Variants in TMEM132C observed in about 807,000 individuals in gnomAD.
TMEM132C encodes transmembrane protein 132C, also known as protein phosphatase 1, regulatory subunit 152.
TMEM132C carries 29 observed loss-of-function variants against 61.4 expected under a neutral mutation model. That is an observed-to-expected ratio of 0.47 (90% confidence interval 0.35 to 0.64). TMEM132C has a LOEUF of 0.64. Among genes scored for constraint, TMEM132C ranks in the 30% least tolerant of loss-of-function variants. The probability of loss-of-function intolerance (pLI) is 0.00; values close to 1 mark genes in which losing one functional copy is unlikely to be tolerated. For missense variants in TMEM132C, 1,408 were observed against 1,476.9 expected, an observed-to-expected ratio of 0.95 and a Z score of 0.76; for synonymous variants, 656 against 633.1, an observed-to-expected ratio of 1.04 and a Z score of -0.54.
chr12:128,530,979 C>T (rs988052366), intron 2 of TMEM132C, among the ~76,000 whole-genome samples: 1 of 152,130 alleles, frequency 6.6e-6, no homozygotes, highest in Non-Finnish European at 1.5e-5. Flanking sequence ...AGCCAGAACA[C>T]CACTGGTTGG....
chr12:128,536,402 G>C (rs887736411), intron 2 of TMEM132C, among the ~76,000 whole-genome samples: 2 of 152,112 alleles, frequency 1.3e-5, no homozygotes, highest in African/African-American at 4.8e-5. Context: ...GGGGTGGGGG[G>C]CTGGGGGAGG....
chr12:128,440,208 G>C (rs539893736), intron 2 of TMEM132C, among the ~76,000 whole-genome samples: 1 of 152,310 alleles, frequency 6.6e-6, no homozygotes, highest in African/African-American at 2.4e-5. Context: ...GTCACAACTA[G>C]TGGCTTCTGG....
At chr12:128,496,181 A>G (rs1871950114) in intron 2 of TMEM132C, among the ~76,000 whole-genome samples, 1 of 152,214 alleles carries the variant, frequency 6.6e-6, no homozygotes, top group Non-Finnish European at 1.5e-5. Context: ...TCTGGCTTGT[A>G]GAGTTTCTGC....
At chr12:128,419,928 C>A (rs1164792237) in intron 2 of TMEM132C, among the ~76,000 whole-genome samples, 1 of 152,074 alleles carries the variant, frequency 6.6e-6, no homozygotes, top group African/African-American at 2.4e-5. Flanking sequence ...TATGGTAGCT[C>A]ACACCTGTAA....
In TMEM132C at chr12:128,267,425, C is replaced by A; in HGVS notation, c.23C>A (p.Pro8His). 4 of 1,238,922 alleles carry A rather than the reference C, an allele frequency of 3.2e-6. No homozygotes were observed. The highest frequency in any genetic ancestry group is 4.0e-6 in the Non-Finnish European group (4 of 992,224). 76.7% of individuals were successfully genotyped at this position (1,238,922 alleles called of 1,614,324 possible). A position where few individuals can be genotyped will look rare whatever the true frequency, so the allele number is the denominator to read the frequency against. Reference protein sequence around the residue: MRSEGAAPGPAAPLCGAL... With the variant: MRSEGAAHGPAAPLCGAL... ...AGGATGCGCTCCGAGGGTGCGGCCC[C>A]CGGGCCGGCGGCGCCGCTGTGCGGG... is the stretch of plus-strand genomic sequence containing the variant. The change falls in exon 1 of 9, where the codon CCC becomes CAC. Residue 8 changes from proline to histidine, a missense_variant. Pro to His is a moderately conservative substitution (Grantham distance 77, BLOSUM62 -2). Coordinates refer to ENST00000435159, the MANE Select transcript of TMEM132C (RefSeq NM_001136103.3).
At chr12:128,373,394 A>G (rs1434782371) in intron 1 of TMEM132C, among the ~76,000 whole-genome samples, 7 of 152,234 alleles carry the variant, frequency 4.6e-5, no homozygotes, top group African/African-American at 1.4e-4. Context: ...GAAAGAGAGA[A>G]AGTGTTCAGA....
chr12:128,563,968 T>C (rs1278463296), intron 3 of TMEM132C, among the ~76,000 whole-genome samples: 1 of 152,164 alleles, frequency 6.6e-6, no homozygotes, highest in African/African-American at 2.4e-5. Context: ...GTTCCAATAA[T>C]GGAACACTAG....
intron 4 of TMEM132C, among the ~76,000 whole-genome samples, chr12:128,656,283 T>G (rs1954324790): frequency 6.6e-6 from 1 of 152,162 alleles, no homozygotes; most frequent in South Asian, 2.1e-4. Context: ...ACTCCTGACC[T>G]CAAGTGATCT....
chr12:128,508,905 G>T (rs1398183757), intron 2 of TMEM132C, among the ~76,000 whole-genome samples: 1 of 152,158 alleles, frequency 6.6e-6, no homozygotes, highest in Non-Finnish European at 1.5e-5. Context: ...TCCCCAGCGT[G>T]GCTGACTTGC....
chr12:128,643,028 C>T (rs1233380226), intron 4 of TMEM132C, among the ~76,000 whole-genome samples: 1 of 152,210 alleles, frequency 6.6e-6, no homozygotes, highest in Non-Finnish European at 1.5e-5. Flanking sequence ...AGCGATCTCT[C>T]ACTGACTTCA....
intron 1 of TMEM132C, among the ~76,000 whole-genome samples, chr12:128,361,684 T>C (rs908841119): frequency 3.3e-5 from 5 of 151,598 alleles, no homozygotes; most frequent in Admixed American, 2.6e-4. Flanking sequence ...TTTTTAATAC[T>C]GCTGTGCCTG....
chr12:128,469,330 C>CT (rs11463008), intron 2 of TMEM132C, among the ~76,000 whole-genome samples: 21,886 of 135,392 alleles, frequency 0.16, 2,855 homozygotes, highest in African/African-American at 0.35. Context: ...ATAAAGCATG[C>CT]TTTTTTTTTT....
At chr12:128,651,648 C>G (rs117790268) in intron 4 of TMEM132C, among the ~76,000 whole-genome samples, 3,993 of 152,124 alleles carry the variant, frequency 0.026, 81 homozygotes, top group Non-Finnish European at 0.04. Flanking sequence ...GAGAAGGCCT[C>G]AAAGCTGAAA....
At position 128,333,861 on chromosome 12, in the gene TMEM132C, C is replaced by T. The variant is rs116478725; in HGVS notation, c.85+66374C>T. ...TGTGTATGTGTGAGAATGTGTGGCT[C>T]GTGTTTATGTGTGAGAGTGTGTGCC... On this transcript the variant is annotated intron_variant, in intron 1 of 8. Coordinates refer to ENST00000435159, the MANE Select transcript of TMEM132C (RefSeq NM_001136103.3). 8.3e-3 allele frequency among the ~76,000 whole-genome samples: 1,156 copies of T among 138,530 alleles called. 17 individuals carry two copies. The highest frequency in any genetic ancestry group is 0.03 in the African/African-American group (1,088 of 36,800). The allele number at this position is 138,530 out of a possible 152,430, so 90.9% of individuals were successfully genotyped here.
chr12:128,647,590 G>A (rs144887377), intron 4 of TMEM132C, among the ~76,000 whole-genome samples: 1 of 152,158 alleles, frequency 6.6e-6, no homozygotes, highest in Non-Finnish European at 1.5e-5. Context: ...GGATGTGAGT[G>A]TGTTTACTAG....
intron 1 of TMEM132C, among the ~76,000 whole-genome samples, chr12:128,413,247 C>G (rs546229648): frequency 7.9e-6 from 1 of 126,410 alleles, no homozygotes; most frequent in African/African-American, 3.0e-5. Context: ...TGCAGTGAGC[C>G]GAGATCGCGC....
chr12:128,554,754 G>A (rs899900461), intron 3 of TMEM132C, among the ~76,000 whole-genome samples: 2 of 152,150 alleles, frequency 1.3e-5, no homozygotes, highest in Non-Finnish European at 2.9e-5. Context: ...CCTAAACAGA[G>A]CACATCGCAC....
intron 1 of TMEM132C, among the ~76,000 whole-genome samples, chr12:128,302,279 A>C (rs1460190112): frequency 2.0e-5 from 3 of 152,216 alleles, no homozygotes; most frequent in Non-Finnish European, 2.9e-5. Flanking sequence ...GAAGGAGCTG[A>C]CCACTGTCAT....
intron 4 of TMEM132C, among the ~76,000 whole-genome samples, chr12:128,651,317 C>T (rs907536922): frequency 3.3e-5 from 5 of 152,210 alleles, no homozygotes; most frequent in Non-Finnish European, 2.9e-5. Context: ...AGGGCCCTGG[C>T]CTCATCTCCA....
Sources: gnomAD v4.1 joint callset for allele counts (sites outside exome capture counted in the v4.1 genomes callset) on GRCh38, gnomAD v4.1.1 for gene constraint, MANE v1.5 for transcripts, NCBI Gene and HGNC (gene_info 2026-07-23, HGNC 2026-07-21) for gene names.